NF1: variants seen among roughly 807,000 people sequenced by gnomAD.
NF1 encodes neurofibromin 1, also known as neurofibromin.
In NF1, 122 loss-of-function variants were observed where a neutral mutation model predicts 325.7. That is an observed-to-expected ratio of 0.37 (90% CI 0.32 to 0.44). The LOEUF is 0.44. NF1 is among the 20% of genes least tolerant of loss of function. The pLI, the probability that NF1 is intolerant of heterozygous loss-of-function variation, is 1.00. For missense variants in NF1, 2,140 were observed against 3,415.4 expected (o/e 0.63, Z 9.31); for synonymous variants, 1,091 against 1,186.0 (o/e 0.92, Z 1.65).
chr17:31,185,915 C>A (rs1443866446), intron 8 of NF1, among the ~76,000 whole-genome samples: 2 of 152,280 alleles, frequency 1.3e-5, no homozygotes, highest in East Asian at 3.9e-4. Flanking sequence ...GATTTTGGAG[C>A]AAGGCCCTGC....
At position 31,147,967 on chromosome 17, in the gene NF1, CCT is replaced by C. The variant is rs1567810830; in HGVS notation, c.61-8015_61-8014del. On this transcript the variant is annotated intron_variant, in intron 1 of 57. Coordinates refer to ENST00000358273, the MANE Select transcript of NF1 (RefSeq NM_001042492.3). ...AGAGGTACATTGCCTGGGAAAAAAGCCTTATTTCTCAATCTGTTTTCCTGACC... is the reference window on the plus strand; with the variant it reads ...AGAGGTACATTGCCTGGGAAAAAAGCTATTTCTCAATCTGTTTTCCTGACC... 4.6e-5 allele frequency among the ~76,000 whole-genome samples: 7 copies of C among 152,304 alleles called. No homozygotes were observed. The East Asian group carries it at 1.4e-3, about 29-fold the overall frequency.
At chr17:31,214,984 C>T (rs2066795615) in intron 13 of NF1, among the ~76,000 whole-genome samples, 2 of 152,216 alleles carry the variant, frequency 1.3e-5, no homozygotes, top group African/African-American at 4.8e-5. Context: ...ATTGCTTTTG[C>T]CAGTTTAGCT....
Position 31,332,475 on chromosome 17 carries a change from A to G in NF1, c.5812+1977A>G, listed in dbSNP as rs17881546. On this transcript the variant is annotated intron_variant, in intron 39 of 57. Transcript: ENST00000358273. ...GGAGACTCTGTCTCAAAATAAATAAATGAATGAATAAATGAATGAATGAAT... is the reference window on the plus strand; with the variant it reads ...GGAGACTCTGTCTCAAAATAAATAAGTGAATGAATAAATGAATGAATGAAT... 3.6e-3 allele frequency among the ~76,000 whole-genome samples: 542 copies of G among 152,198 alleles called. 6 individuals carry two copies. The highest frequency in any genetic ancestry group is 0.012 in the African/African-American group (515 of 41,498).
chr17:31,341,238 T>C lies in NF1; in HGVS notation c.7062+593T>C, dbSNP rs181929082. ...TCTAATCTTACTTTAAAATATACCA[T>C]TAGTGGCCAGGAGTGGTGGCTCATA... On this transcript the variant is annotated intron_variant, in intron 47 of 57. Transcript: ENST00000358273. 2.0e-5 allele frequency among the ~76,000 whole-genome samples: 3 copies of C among 152,156 alleles called. No individual in the cohort carries two copies. The East Asian group carries it at 5.8e-4, about 29-fold the overall frequency.
chr17:31,197,781 A>G (rs749564692), intron 8 of NF1, among the ~76,000 whole-genome samples: 1 of 152,192 alleles, frequency 6.6e-6, no homozygotes, highest in Non-Finnish European at 1.5e-5. Flanking sequence ...TCCAAATTCA[A>G]TGAATTTTCC....
chr17:31,160,641 C>CT (rs1447366410), intron 3 of NF1, among the ~76,000 whole-genome samples: 1 of 152,094 alleles, frequency 6.6e-6, no homozygotes, highest in African/African-American at 2.4e-5. Flanking sequence ...TTCCAGTGGT[C>CT]TTATTACTTT....
In NF1 at chr17:31,226,649, T is replaced by C. The variant is rs1374542835; in HGVS notation, c.2216T>C (p.Met739Thr). The change falls in exon 18 of 58, where the codon ATG (methionine) becomes ACG (threonine). Residue 739 changes from methionine (M) to threonine (T), a missense_variant. Physicochemically the swap from Met to Thr is moderately conservative, Grantham distance 81 (BLOSUM62 -1). Transcript: ENST00000358273. ...HNLLPNYNTF[M>T]EFASVSNMMS... is the part of the protein sequence containing the mutation. ...CTCTTGCCCAACTATAACACATTCA[T>C]GGAGTTTGCCTCTGTCAGCAATATG... 6.2e-7 allele frequency: 1 copy of C among 1,613,722 alleles called. No individual in the cohort carries two copies. Among genetic ancestry groups the C allele is most frequent in the Non-Finnish European group, 8.5e-7 (1 of 1,179,774 alleles).
intron 55 of NF1, 27 bp from the exon 56 acceptor site, chr17:31,358,942 A>G (rs2070338395): frequency 1.2e-6 from 2 of 1,605,018 alleles, no homozygotes; most frequent in Admixed American, 3.3e-5. Flanking sequence ...CTTGCTTGTT[A>G]TAAGAGTAAA....
intron 30 of NF1, chr17:31,250,054 C>G (rs1006298589): frequency 8.2e-6 from 4 of 490,116 alleles, no homozygotes; most frequent in South Asian, 1.6e-5. Flanking sequence ...TTTGAGGCTG[C>G]TCTATGTGAA....
chr17:31,206,620 A>G (rs1319183610), intron 12 of NF1, among the ~76,000 whole-genome samples: 1 of 152,126 alleles, frequency 6.6e-6, no homozygotes, highest in Non-Finnish European at 1.5e-5. Context: ...AGTCTTAATG[A>G]ATGTCACCTT....
intron 17 of NF1, 66 bp downstream of exon 17, chr17:31,225,316 G>A (rs2144028909): frequency 1.3e-6 from 2 of 1,556,712 alleles, no homozygotes; most frequent in Non-Finnish European, 1.8e-6. Context: ...AATGAAATTT[G>A]GTAAATTTCA....
intron 36 of NF1, among the ~76,000 whole-genome samples, chr17:31,312,991 C>T (rs986924243): frequency 5.9e-5 from 9 of 152,018 alleles, no homozygotes; most frequent in South Asian, 4.1e-4. Context: ...GACATAAACA[C>T]GTAGATGATA....
Position 31,319,014 on chromosome 17 carries a change from G to C in NF1, c.4836-6806G>C, listed in dbSNP as rs1129506. 3.4e-5 allele frequency: 54 copies of C among 1,591,258 alleles called. No individual in the cohort carries two copies. The Admixed American group carries it at 4.6e-4, about 14-fold the overall frequency. ...CTGTGTGTTCCATGTCCGTGGGCATGCTTGGCAATCTGTTGGGATAGCAAT... is the reference window on the plus strand; with the variant it reads ...CTGTGTGTTCCATGTCCGTGGGCATCCTTGGCAATCTGTTGGGATAGCAAT... On this transcript the variant is annotated intron_variant, in intron 36 of 57. Coordinates refer to ENST00000358273, the MANE Select transcript of NF1 (RefSeq NM_001042492.3).
intron 29 of NF1, among the ~76,000 whole-genome samples, chr17:31,243,404 T>C (rs1303407547): frequency 6.6e-6 from 1 of 151,862 alleles, no homozygotes; most frequent in African/African-American, 2.4e-5. Context: ...GTTCAGGCAG[T>C]GAGTTCTCCG....
chr17:31,335,098 G>A, intron 40 of NF1, 67 bp downstream of exon 40: 1 of 1,371,276 alleles, frequency 7.3e-7, no homozygotes. Context: ...GTGCCACATT[G>A]GGCAAAGCAC....
At chr17:31,239,363 A>T (rs1252783446) in intron 29 of NF1, among the ~76,000 whole-genome samples, 1 of 152,232 alleles carries the variant, frequency 6.6e-6, no homozygotes, top group Non-Finnish European at 1.5e-5. Context: ...ATCAAGAGAA[A>T]CTTCCCAAAC....
chr17:31,117,715 T>TTG (rs1013550804), intron 1 of NF1, among the ~76,000 whole-genome samples: 5 of 128,834 alleles, frequency 3.9e-5, no homozygotes, highest in Non-Finnish European at 8.6e-5. Flanking sequence ...GAATAGTGAT[T>TTG]TGCACATAGA....
intron 36 of NF1, among the ~76,000 whole-genome samples, chr17:31,291,768 G>A (rs1297444839): frequency 6.6e-6 from 1 of 152,172 alleles, no homozygotes; most frequent in Non-Finnish European, 1.5e-5. Flanking sequence ...TTCTCATTCT[G>A]CTGTGGTAAG....
chr17:31,203,630 G>A (rs2066569515), intron 11 of NF1, among the ~76,000 whole-genome samples: 1 of 151,968 alleles, frequency 6.6e-6, no homozygotes, highest in African/African-American at 2.4e-5. Flanking sequence ...CAATATTTTT[G>A]TCTTGAAAAA....
Sources: allele counts gnomAD v4.1 joint callset (sites outside exome capture counted in the v4.1 genomes callset), GRCh38; gene constraint gnomAD v4.1.1; transcripts MANE v1.5; gene names NCBI Gene and HGNC (gene_info 2026-07-23, HGNC 2026-07-21).